Variants in MARCHF8 observed in about 807,000 individuals in gnomAD.
The protein encoded by MARCHF8 is membrane associated ring-CH-type finger 8.
Under a neutral mutation model 51.6 loss-of-function variants are expected in MARCHF8, and 40 were observed. The ratio of observed to expected loss-of-function variants is 0.77; its 90% CI spans 0.60 to 1.01. MARCHF8 has a LOEUF of 1.01. Ranked by LOEUF, MARCHF8 falls within the 50% of genes least tolerant of loss-of-function variation. The probability of loss-of-function intolerance (pLI) is 0.00; values close to 1 mark genes in which losing one functional copy is unlikely to be tolerated. For missense variants in MARCHF8, 685 were observed against 708.6 expected (o/e 0.97, Z 0.38); for synonymous variants, 263 against 280.3 (o/e 0.94, Z 0.62).
chr10:45,489,382 T>C lies in MARCHF8; in HGVS notation c.138A>G (p.Ser46=). Residue 46 remains serine (S), a synonymous_variant, in exon 3 of 8, where the codon TCA becomes TCG. Transcript: ENST00000453424. ...GGCACTCTACCTTAGAAATGTTGCT[T>C]GAATGACTCATGAAATGTCCCAAAG... ...EKTLGHFMSH[S]SNISKAGSPP... is the part of the protein sequence containing the mutation. The C allele has an allele frequency of 6.2e-7, 1 of 1,613,156 alleles. No homozygotes were observed. The highest frequency in any genetic ancestry group is 8.5e-7 in the Non-Finnish European group (1 of 1,179,536).
intron 3 of MARCHF8, among the ~76,000 whole-genome samples, chr10:45,480,785 C>G (rs985220919): frequency 1.1e-4 from 16 of 152,246 alleles, no homozygotes; most frequent in Non-Finnish European, 1.8e-4. Context: ...TGGAGAACCT[C>G]TGCTAGGGCA....
intron 1 of MARCHF8, among the ~76,000 whole-genome samples, chr10:45,577,355 T>C (rs2044501803): frequency 6.6e-6 from 1 of 152,098 alleles, no homozygotes. Context: ...TTATACATTT[T>C]AAAATAAGAG....
Position 45,461,557 on chromosome 10 carries a change from C to T in MARCHF8, c.1089-146G>A, listed in dbSNP as rs915446645. On this transcript the variant is annotated intron_variant, in intron 5 of 7. Transcript: ENST00000453424. ...GGGCACAAAAACATACAAACACAAA[C>T]GAAAACAATCACTACAAACTAAAAA... 33 of 538,834 alleles carry T rather than the reference C, an allele frequency of 6.1e-5. 1 individual carries two copies. The Middle Eastern group carries it at 2.7e-3, about 44-fold the overall frequency. 33.4% of individuals were successfully genotyped at this position (538,834 alleles called of 1,614,324 possible).
chr10:45,540,815 A>G lies in MARCHF8; in HGVS notation c.-78-7526T>C, dbSNP rs1246502232. Among the ~76,000 whole-genome samples, 3 of 152,354 alleles carry G rather than the reference A, an allele frequency of 2.0e-5. No individual in the cohort carries two copies. In the East Asian group the frequency reaches 5.8e-4, roughly 29 times the overall value. Reference sequence around the variant, plus strand: ...TTTATGCAGCCAAAAGACACATGAAAAAATGCTCATCATCACTGGCCATCA... The same window carrying G: ...TTTATGCAGCCAAAAGACACATGAAGAAATGCTCATCATCACTGGCCATCA... On this transcript the variant is annotated intron_variant, in intron 1 of 6. Coordinates refer to the MARCHF8 transcript ENST00000319836.
chr10:45,546,178 T>A (rs1327629562), intron 1 of MARCHF8, among the ~76,000 whole-genome samples: 1 of 125,310 alleles, frequency 8.0e-6, no homozygotes, highest in African/African-American at 3.3e-5. Flanking sequence ...TTATTTATTT[T>A]GAGACAGGGT....
intron 1 of MARCHF8, among the ~76,000 whole-genome samples, chr10:45,571,772 T>C (rs1279707285): frequency 6.6e-6 from 1 of 152,154 alleles, no homozygotes; most frequent in Non-Finnish European, 1.5e-5. Context: ...CCTCAATCTC[T>C]TTCTCCTTTC....
At chr10:45,475,752 C>CA (rs1364555410) in intron 3 of MARCHF8, among the ~76,000 whole-genome samples, 5 of 152,090 alleles carry the variant, frequency 3.3e-5, no homozygotes, top group Non-Finnish European at 5.9e-5. Context: ...GAGCAAGCTA[C>CA]AAGGAGGTCC....
At chr10:45,470,189 G>C (rs947710095) in intron 3 of MARCHF8, among the ~76,000 whole-genome samples, 2 of 152,186 alleles carry the variant, frequency 1.3e-5, no homozygotes, top group East Asian at 3.9e-4. Flanking sequence ...AGTTCCCACA[G>C]ACTAGGAGTC....
At chr10:45,573,013 G>C (rs757732678) in intron 1 of MARCHF8, among the ~76,000 whole-genome samples, 1 of 151,888 alleles carries the variant, frequency 6.6e-6, no homozygotes, top group African/African-American at 2.4e-5. Context: ...CTCTTAAAAA[G>C]GTGGCTGGAG....
chr10:45,556,929 T>TA lies in MARCHF8; in HGVS notation c.-78-23641dup, dbSNP rs537493002. Among the ~76,000 whole-genome samples, 588 of 152,152 alleles carry TA rather than the reference T, an allele frequency of 3.9e-3. 1 individual carries two copies. The highest frequency in any genetic ancestry group is 0.014 in the Middle Eastern group (4 of 294). On this transcript the variant is annotated intron_variant, in intron 1 of 6. Transcript: ENST00000319836. ...CTTAACCTTTTAAGTCTATGTTCCA[T>TA]AAAAAAATGGTTGTTTTTTTCTTGT... is the stretch of plus-strand genomic sequence containing the variant.
At chr10:45,477,655 A>G (rs2042811140) in intron 3 of MARCHF8, among the ~76,000 whole-genome samples, 1 of 152,196 alleles carries the variant, frequency 6.6e-6, no homozygotes, top group Non-Finnish European at 1.5e-5. Context: ...TTACTCAACT[A>G]TATGCTGTGT....
At chr10:45,477,432 C>CA (rs1479386275) in intron 3 of MARCHF8, among the ~76,000 whole-genome samples, 11 of 151,060 alleles carry the variant, frequency 7.3e-5, no homozygotes, top group East Asian at 1.9e-4. Context: ...CACAAATAAG[C>CA]AAAAAAAAGG....
At chr10:45,564,392 G>C (rs2044342444) in intron 1 of MARCHF8, among the ~76,000 whole-genome samples, 1 of 152,096 alleles carries the variant, frequency 6.6e-6, no homozygotes, top group Non-Finnish European at 1.5e-5. Context: ...ATATGACACA[G>C]TCACTGAACT....
intron 1 of MARCHF8, among the ~76,000 whole-genome samples, chr10:45,555,790 A>C (rs1164845240): frequency 6.6e-6 from 1 of 152,138 alleles, no homozygotes; most frequent in South Asian, 2.1e-4. Flanking sequence ...ATGTGTTTAT[A>C]ATGATACTTT....
upstream of MARCHF8, among the ~76,000 whole-genome samples, chr10:45,537,572 G>A (rs985732204): frequency 6.6e-6 from 1 of 151,636 alleles, no homozygotes; most frequent in Non-Finnish European, 1.5e-5. Context: ...AGGATCGCTT[G>A]AGCCCAGAAG....
At chr10:45,490,517 A>C (rs2043062208) in intron 2 of MARCHF8, among the ~76,000 whole-genome samples, 1 of 152,164 alleles carries the variant, frequency 6.6e-6, no homozygotes, top group South Asian at 2.1e-4. Flanking sequence ...TCCAGCCTCC[A>C]GACTATGAGA....
At chr10:45,513,046 C>T (rs909409572) in intron 2 of MARCHF8, among the ~76,000 whole-genome samples, 1 of 151,086 alleles carries the variant, frequency 6.6e-6, no homozygotes. Flanking sequence ...TAAGAATCAT[C>T]ACCACTCCCT....
intron 2 of MARCHF8, among the ~76,000 whole-genome samples, chr10:45,492,856 A>G (rs182679573): frequency 1.3e-5 from 2 of 152,286 alleles, no homozygotes; most frequent in East Asian, 3.9e-4. Flanking sequence ...ACTGTTTCAT[A>G]TTTCTGAGTT....
chr10:45,591,423 C>T (rs1037986677), intron 1 of MARCHF8, among the ~76,000 whole-genome samples: 2 of 151,694 alleles, frequency 1.3e-5, no homozygotes, highest in Admixed American at 6.6e-5. Context: ...AAGATGGTGC[C>T]ACTGCACTCC....
Sources: allele counts gnomAD v4.1 joint callset (sites outside exome capture counted in the v4.1 genomes callset), GRCh38; gene constraint gnomAD v4.1.1; transcripts MANE v1.5; gene names NCBI Gene and HGNC (gene_info 2026-07-23, HGNC 2026-07-21).